The following LRRC1 variants were observed in gnomAD, a reference collection of about 807,000 sequenced individuals.
LRRC1 encodes leucine rich repeat containing 1.
Under a neutral mutation model 69.9 loss-of-function variants are expected in LRRC1, and 28 were observed. The observed-to-expected ratio is 0.40, with a 90% CI of 0.30 to 0.55. LRRC1 has a LOEUF of 0.55. Among genes scored for constraint, LRRC1 ranks in the 20% least tolerant of loss-of-function variants. LRRC1 has a pLI of 0.47. For missense variants in LRRC1, 498 were observed against 609.0 expected, an observed-to-expected ratio of 0.82 and a Z score of 1.92; for synonymous variants, 236 against 240.2, an observed-to-expected ratio of 0.98 and a Z score of 0.16.
At chr6:53,870,115 C>T (rs935500777) in intron 2 of LRRC1, among the ~76,000 whole-genome samples, 8 of 152,144 alleles carry the variant, frequency 5.3e-5, no homozygotes, top group African/African-American at 1.7e-4. Context: ...TCCTGTAAAC[C>T]GGACCTCTAG....
At chr6:53,842,799 T>G (rs1312770667) in intron 2 of LRRC1, among the ~76,000 whole-genome samples, 1 of 152,242 alleles carries the variant, frequency 6.6e-6, no homozygotes, top group East Asian at 1.9e-4. Context: ...CTTAATGTGT[T>G]TCTAATTAGG....
At chr6:53,826,738 G>A (rs1465430104) in intron 1 of LRRC1, among the ~76,000 whole-genome samples, 1 of 151,712 alleles carries the variant, frequency 6.6e-6, no homozygotes, top group Non-Finnish European at 1.5e-5. Flanking sequence ...TCTCCCCTTC[G>A]ATTATGAAAT....
chr6:53,920,465 T>G, intron 12 of LRRC1, 160 bp from the exon 13 acceptor site: 1 of 621,826 alleles, frequency 1.6e-6, no homozygotes, highest in Non-Finnish European at 2.7e-6. Context: ...TTGTGTGTGT[T>G]TGTGTTTTAA....
chr6:53,813,548 T>TTG (rs1764861730), intron 1 of LRRC1, among the ~76,000 whole-genome samples: 1 of 143,568 alleles, frequency 7.0e-6, no homozygotes. Flanking sequence ...TTTTTTTTTT[T>TTG]TCTTTTTTTT....
Position 53,846,716 on chromosome 6 carries a change from G to A in LRRC1, c.277+4489G>A, listed in dbSNP as rs1765958687. On this transcript the variant is annotated intron_variant, in intron 2 of 13. Transcript: ENST00000370888. ...TATCTGAATTTGCTGGTAACATTTT[G>A]TCTACAAAAAGTGTACAGACTTAGA... 2.6e-5 allele frequency among the ~76,000 whole-genome samples: 4 copies of A among 152,226 alleles called. No homozygotes were observed. In the South Asian group the frequency reaches 6.2e-4, roughly 24 times the overall value.
At chr6:53,880,147 C>G (rs556764930) in intron 3 of LRRC1, among the ~76,000 whole-genome samples, 64 of 152,258 alleles carry the variant, frequency 4.2e-4, no homozygotes, top group African/African-American at 1.5e-3. Flanking sequence ...GGAGAATGCA[C>G]TATTTAGTTT....
At chr6:53,827,880 A>T (rs1183825131) in intron 1 of LRRC1, among the ~76,000 whole-genome samples, 3 of 152,196 alleles carry the variant, frequency 2.0e-5, no homozygotes, top group Non-Finnish European at 4.4e-5. Context: ...ACCTACAAAA[A>T]TGTTGATGGT....
intron 4 of LRRC1, among the ~76,000 whole-genome samples, chr6:53,884,412 A>T (rs1350887398): frequency 2.6e-5 from 4 of 152,130 alleles, no homozygotes; most frequent in Non-Finnish European, 4.4e-5. Context: ...AAGGTTGAGG[A>T]GGAAGGATCA....
intron 1 of LRRC1, among the ~76,000 whole-genome samples, chr6:53,825,905 G>A (rs577224393): frequency 6.6e-6 from 1 of 151,896 alleles, no homozygotes; most frequent in Admixed American, 6.5e-5. Context: ...TTCTATTGCT[G>A]TGTTCTTTCA....
chr6:53,846,246 G>A (rs1765939838), intron 2 of LRRC1, among the ~76,000 whole-genome samples: 1 of 152,224 alleles, frequency 6.6e-6, no homozygotes, highest in South Asian at 2.1e-4. Context: ...ATTGTGTGCT[G>A]TGTTGGAAAA....
At chr6:53,921,265 G>A (rs1768734136) in intron 13 of LRRC1, among the ~76,000 whole-genome samples, 2 of 152,162 alleles carry the variant, frequency 1.3e-5, no homozygotes, top group African/African-American at 4.8e-5. Context: ...ACTGTGCCCG[G>A]CCTGTTATTG....
At chr6:53,911,935 A>G (rs561064805) in intron 10 of LRRC1, among the ~76,000 whole-genome samples, 8 of 152,260 alleles carry the variant, frequency 5.3e-5, no homozygotes, top group Non-Finnish European at 7.3e-5. Flanking sequence ...AATCCACACT[A>G]TATTGGGGCT....
At chr6:53,818,514 A>G (rs1226034785) in intron 1 of LRRC1, among the ~76,000 whole-genome samples, 1 of 152,258 alleles carries the variant, frequency 6.6e-6, no homozygotes, top group Non-Finnish European at 1.5e-5. Flanking sequence ...AATTAAATAA[A>G]GTTTTATTAT....
At chr6:53,916,418 A>G (rs572382927) in intron 11 of LRRC1, among the ~76,000 whole-genome samples, 3 of 152,328 alleles carry the variant, frequency 2.0e-5, no homozygotes, top group South Asian at 4.1e-4. Context: ...AAAGAATGAG[A>G]TATTTCTCTG....
In LRRC1 at chr6:53,900,811, T is replaced by C. The variant is rs76951244; in HGVS notation, c.787+920T>C. On this transcript the variant is annotated intron_variant, in intron 8 of 13. Transcript: ENST00000370888. ...ACAGATACGGACTTGGGAGCTCCAT[T>C]GTAGCAAAGCCACTTTGAAGTTGAA... Among the ~76,000 whole-genome samples the C allele has an allele frequency of 3.1e-3, 479 of 152,358 alleles. 7 individuals are homozygous for C. In the East Asian group the frequency reaches 0.04, roughly 13 times the overall value.
intron 9 of LRRC1, among the ~76,000 whole-genome samples, chr6:53,903,162 T>G (rs186209361): frequency 1.7e-4 from 26 of 152,258 alleles, no homozygotes; most frequent in Admixed American, 3.3e-4. Context: ...GAGATGGACG[T>G]TGGCCAGGAA....
chr6:53,817,402 A>G (rs1764982382), intron 1 of LRRC1, among the ~76,000 whole-genome samples: 2 of 152,224 alleles, frequency 1.3e-5, no homozygotes, highest in Admixed American at 1.3e-4. Flanking sequence ...AATCAAGCTA[A>G]TTAACATGTC....
rs898514647 is a variant in LRRC1 at position 53,923,926 on chromosome 6, A to G, written c.*1133A>G. On this transcript the variant is annotated 3_prime_UTR_variant, in exon 14 of 14. Transcript: ENST00000370888. ...TAAATAGAGTTTGAATCAAAGTATCACAAAATACTGCTTCAAGATTTAATT... is the reference window on the plus strand; with the variant it reads ...TAAATAGAGTTTGAATCAAAGTATCGCAAAATACTGCTTCAAGATTTAATT... The G allele has an allele frequency of 6.5e-6, 1 of 152,672 alleles. No individual in the cohort carries two copies. The highest frequency in any genetic ancestry group is 2.1e-4 in the South Asian group (1 of 4,830). The allele number at this position is 152,672 out of a possible 1,614,324, so 9.5% of individuals were successfully genotyped here.
At chr6:53,866,009 T>C (rs1350875190) in intron 2 of LRRC1, among the ~76,000 whole-genome samples, 3 of 152,074 alleles carry the variant, frequency 2.0e-5, no homozygotes, top group African/African-American at 7.3e-5. Context: ...CATGAACCAC[T>C]GCGCCTGGCT....
Sources: allele counts gnomAD v4.1 joint callset (sites outside exome capture counted in the v4.1 genomes callset), GRCh38; gene constraint gnomAD v4.1.1; transcripts MANE v1.5; gene names NCBI Gene and HGNC (gene_info 2026-07-23, HGNC 2026-07-21).